The following CYYR1 variants were observed in gnomAD, a reference collection of about 807,000 sequenced individuals.
CYYR1 encodes the protein cysteine and tyrosine rich 1, also known as cysteine and tyrosine-rich protein 1.
Under a neutral mutation model 15.2 loss-of-function variants are expected in CYYR1, and 14 were observed. The observed-to-expected ratio is 0.92, with a 90% confidence interval of 0.61 to 1.44. The LOEUF (loss-of-function observed/expected upper bound fraction) is 1.44, where lower values mean the gene tolerates loss of function less well. Among genes scored for constraint, CYYR1 ranks in the 40% most tolerant of loss-of-function variants. The probability of loss-of-function intolerance (pLI) is 0.00; values close to 1 mark genes in which losing one functional copy is unlikely to be tolerated. For synonymous variants in CYYR1, 80 were observed against 77.4 expected (o/e 1.03, Z -0.18); for missense variants, 228 against 209.5 (o/e 1.09, Z -0.54).
intron 2 of CYYR1, among the ~76,000 whole-genome samples, chr21:26,565,234 G>A (rs949410288): frequency 6.6e-6 from 1 of 152,062 alleles, no homozygotes; most frequent in Non-Finnish European, 1.5e-5. Flanking sequence ...AAGTTTATGT[G>A]GTGCCAGGTT....
At chr21:26,511,852 G>A (rs1459553210) in intron 2 of CYYR1, among the ~76,000 whole-genome samples, 1 of 152,142 alleles carries the variant, frequency 6.6e-6, no homozygotes, top group African/African-American at 2.4e-5. Context: ...GCTGGTCATG[G>A]TGCCAAGTTG....
Position 26,573,021 on chromosome 21 carries a change from G to A in CYYR1, c.-81C>T. ...GGGGAGGATGGAGGGCGATCAGATG[G>A]AGAGAGCAGCGCTCCTGAGAGCCGG... On this transcript the variant is annotated 5_prime_UTR_variant, in exon 1 of 4. Transcript: ENST00000652641. 6.2e-7 allele frequency: 1 copy of A among 1,609,238 alleles called. No individual in the cohort carries two copies.
At chr21:26,468,955 A>G (rs1479858480) in intron 3 of CYYR1, among the ~76,000 whole-genome samples, 1 of 151,518 alleles carries the variant, frequency 6.6e-6, no homozygotes. Context: ...AAGCAAAAGT[A>G]CATGAAAGGG....
chr21:26,507,417 T>G (rs2065583534), intron 2 of CYYR1, among the ~76,000 whole-genome samples: 1 of 152,230 alleles, frequency 6.6e-6, no homozygotes, highest in African/African-American at 2.4e-5. Flanking sequence ...ACATTTCTCA[T>G]TATTCTATTA....
rs928452195 is a variant in CYYR1, at chr21:26,501,736, C to G, written c.177-21307G>C. ...TGTTATCTCGATGGAAGGATTCCCACAGTTAGACTGAATGAAAACCTGACA... is the reference window on the plus strand; with the variant it reads ...TGTTATCTCGATGGAAGGATTCCCAGAGTTAGACTGAATGAAAACCTGACA... On this transcript the variant is annotated intron_variant, in intron 2 of 3. Coordinates refer to ENST00000652641, the MANE Select transcript of CYYR1 (RefSeq NM_001320768.2). 2.0e-5 allele frequency among the ~76,000 whole-genome samples: 3 copies of G among 152,132 alleles called. No homozygotes were observed. In the South Asian group the frequency reaches 6.2e-4, roughly 32 times the overall value.
At chr21:26,542,277 ATGTGTGTGTGTGCGTGTGTGTG>A (rs1221495644) in intron 2 of CYYR1, among the ~76,000 whole-genome samples, 2 of 128,262 alleles carry the variant, frequency 1.6e-5, no homozygotes, top group East Asian at 2.4e-4. Flanking sequence ...GAGAGAGAAT[ATGTGTGTGTGTGCGTGTGTGTG>A]TGTGTGTGTG....
chr21:26,536,225 C>A (rs1281883674), intron 2 of CYYR1, among the ~76,000 whole-genome samples: 1 of 152,060 alleles, frequency 6.6e-6, no homozygotes, highest in Non-Finnish European at 1.5e-5. Flanking sequence ...AGGCCCCTTC[C>A]CTGACACATG....
At chr21:26,483,496 G>A (rs1209377075) in intron 2 of CYYR1, 1 of 845,534 alleles carries the variant, frequency 1.2e-6, no homozygotes, top group African/African-American at 1.8e-5. Context: ...CAAAGAACAG[G>A]ACAAACTGAG....
intron 2 of CYYR1, among the ~76,000 whole-genome samples, chr21:26,508,997 C>A (rs1055037849): frequency 2.0e-5 from 3 of 152,178 alleles, no homozygotes; most frequent in Non-Finnish European, 4.4e-5. Context: ...AATAACTGTT[C>A]AATGCCATAA....
intron 2 of CYYR1, among the ~76,000 whole-genome samples, chr21:26,560,833 G>C (rs915175695): frequency 6.6e-6 from 1 of 152,170 alleles, no homozygotes; most frequent in African/African-American, 2.4e-5. Flanking sequence ...CTCAAGGGCA[G>C]GAACGTGATG....
intron 2 of CYYR1, among the ~76,000 whole-genome samples, chr21:26,547,838 T>C (rs1979089261): frequency 6.6e-6 from 1 of 151,886 alleles, no homozygotes; most frequent in African/African-American, 2.4e-5. Context: ...TTTCAACCAA[T>C]ACAACTTTCC....
At chr21:26,551,216 T>C (rs1421180795) in intron 2 of CYYR1, 1 of 152,686 alleles carries the variant, frequency 6.5e-6, no homozygotes, top group East Asian at 1.9e-4. Flanking sequence ...TTCAAAATAG[T>C]ACTGCTCTTT....
chr21:26,513,543 GAC>G (rs1247950949), intron 2 of CYYR1, among the ~76,000 whole-genome samples: 1 of 152,118 alleles, frequency 6.6e-6, no homozygotes, highest in East Asian at 1.9e-4. Context: ...GTTTTTGAAA[GAC>G]ACAAACCCAG....
chr21:26,562,793 TACACAAACACAC>T (rs1569179237), intron 2 of CYYR1, among the ~76,000 whole-genome samples: 1 of 41,586 alleles, frequency 2.4e-5, no homozygotes, highest in Non-Finnish European at 4.7e-5. Context: ...CACAGAGACA[TACACAAACACAC>T]ACACACACAC....
chr21:26,510,019 G>C (rs1480363583), intron 2 of CYYR1, among the ~76,000 whole-genome samples: 1 of 152,170 alleles, frequency 6.6e-6, no homozygotes, highest in Admixed American at 6.5e-5. Flanking sequence ...AGCAGGGCTG[G>C]ATGTAAGATC....
At chr21:26,565,464 T>C (rs1231350597) in intron 2 of CYYR1, among the ~76,000 whole-genome samples, 1 of 152,110 alleles carries the variant, frequency 6.6e-6, no homozygotes, top group Non-Finnish European at 1.5e-5. Flanking sequence ...CTGAAAGCCA[T>C]GGGGATTTTG....
intron 2 of CYYR1, among the ~76,000 whole-genome samples, chr21:26,523,945 CAG>C (rs2065832913): frequency 6.6e-6 from 1 of 152,136 alleles, no homozygotes; most frequent in East Asian, 1.9e-4. Flanking sequence ...AGTAAAAATT[CAG>C]AGTTTTGATA....
intron 2 of CYYR1, among the ~76,000 whole-genome samples, chr21:26,534,946 T>C (rs144248082): frequency 1.1e-3 from 160 of 152,288 alleles, no homozygotes; most frequent in African/African-American, 3.8e-3. Context: ...AATATAACTA[T>C]TCCCATTTTA....
rs1277114498 is a variant in CYYR1, at chr21:26,467,180, A to G, written c.*1321T>C. 6.6e-6 allele frequency: 1 copy of G among 152,162 alleles called. No homozygotes were observed. The highest frequency in any genetic ancestry group is 1.5e-5 in the Non-Finnish European group (1 of 68,008). The allele number at this position is 152,162 out of a possible 1,614,324, so 9.4% of individuals were successfully genotyped here. ...AAATGACACAAAAATCTAATCATCT[A>G]TTTCCAATGTTCAATATACAATTTT... On this transcript the variant is annotated 3_prime_UTR_variant, in exon 4 of 4. Transcript: ENST00000652641.
Sources: allele counts gnomAD v4.1 joint callset (sites outside exome capture counted in the v4.1 genomes callset), GRCh38; gene constraint gnomAD v4.1.1; transcripts MANE v1.5; gene names NCBI Gene and HGNC (gene_info 2026-07-23, HGNC 2026-07-21).